Variants in PROM1 observed in about 807,000 individuals in gnomAD.
PROM1 encodes prominin-1.
Under a neutral mutation model 116.9 loss-of-function variants are expected in PROM1, and 105 were observed. That is an observed-to-expected ratio of 0.90 (90% CI 0.77 to 1.06). The LOEUF is 1.06. PROM1 is among the 50% of genes least tolerant of loss of function. The pLI is 0.00. For missense variants in PROM1, 1,122 were observed against 1,045.2 expected (o/e 1.07, Z -1.01); for synonymous variants, 393 against 387.0 (o/e 1.02, Z -0.18).
chr4:16,042,703 T>G (rs1173507588), intron 2 of PROM1, among the ~76,000 whole-genome samples: 1 of 152,208 alleles, frequency 6.6e-6, no homozygotes, highest in Non-Finnish European at 1.5e-5. Context: ...GCAAATAACC[T>G]TTAAAAACTA....
At chr4:16,031,135 A>T (rs1732607466) in intron 5 of PROM1, among the ~76,000 whole-genome samples, 1 of 152,220 alleles carries the variant, frequency 6.6e-6, no homozygotes, top group South Asian at 2.1e-4. Context: ...TTCAATAAAG[A>T]ATTTTCCTGA....
chr4:16,020,822 G>T (rs569072055), intron 8 of PROM1, among the ~76,000 whole-genome samples: 1 of 152,144 alleles, frequency 6.6e-6, no homozygotes, highest in Non-Finnish European at 1.5e-5. Context: ...TTTTCCAAAA[G>T]CTTCAAAGTA....
At chr4:16,004,550 T>A (rs930214341) in intron 13 of PROM1, among the ~76,000 whole-genome samples, 1 of 152,202 alleles carries the variant, frequency 6.6e-6, no homozygotes, top group Non-Finnish European at 1.5e-5. Context: ...TAGGTATATA[T>A]ACACACCCCA....
intron 23 of PROM1, among the ~76,000 whole-genome samples, chr4:15,981,107 G>A (rs542552833): frequency 1.7e-3 from 261 of 151,316 alleles, no homozygotes; most frequent in Non-Finnish European, 2.7e-3. Context: ...GGCTACAGGC[G>A]TCCGCCACCA....
chr4:15,984,417 A>T (rs1055675025), intron 22 of PROM1, 62 bp from the exon 23 acceptor site: 9 of 1,280,708 alleles, frequency 7.0e-6, no homozygotes, highest in African/African-American at 1.5e-5. Flanking sequence ...AAGGAATGAG[A>T]CGTGCCATTT....
chr4:16,051,552 T>C (rs1046804923), intron 2 of PROM1, among the ~76,000 whole-genome samples: 2 of 152,158 alleles, frequency 1.3e-5, no homozygotes, highest in African/African-American at 2.4e-5. Flanking sequence ...ATGAGTTGAT[T>C]TTACGCTACA....
At chr4:16,002,132 C>G (rs1043802724) in intron 13 of PROM1, among the ~76,000 whole-genome samples, 1 of 151,520 alleles carries the variant, frequency 6.6e-6, no homozygotes, top group Non-Finnish European at 1.5e-5. Flanking sequence ...AAGCCATCTG[C>G]TGAGAGAGGG....
intron 1 of PROM1, among the ~76,000 whole-genome samples, chr4:16,078,821 T>C (rs1578347931): frequency 6.6e-6 from 1 of 152,302 alleles, no homozygotes; most frequent in African/African-American, 2.4e-5. Flanking sequence ...TTAATTCATA[T>C]CTAATCCCTC....
intron 2 of PROM1, among the ~76,000 whole-genome samples, chr4:16,061,402 C>A (rs1400358504): frequency 1.3e-5 from 2 of 152,104 alleles, no homozygotes; most frequent in Non-Finnish European, 2.9e-5. Flanking sequence ...TTCACTTTTT[C>A]CTTTTCAGCA....
chr4:15,992,722 C>A (rs1412897790), intron 16 of PROM1, among the ~76,000 whole-genome samples: 4 of 152,186 alleles, frequency 2.6e-5, no homozygotes, highest in African/African-American at 9.7e-5. Context: ...GTTCATTTCC[C>A]ATCTCTTTCT....
intron 22 of PROM1, chr4:15,985,410 G>A (rs1432489185): frequency 4.3e-6 from 1 of 230,148 alleles, no homozygotes; most frequent in African/African-American, 2.3e-5. Context: ...CATTTGTTTT[G>A]GAACAGTGAG....
intron 4 of PROM1, 76 bp from the exon 5 acceptor site, chr4:16,033,585 T>TAA: frequency 1.1e-6 from 1 of 906,668 alleles, no homozygotes; most frequent in Non-Finnish European, 1.5e-6. Context: ...TGTACAAAGT[T>TAA]CTTTTTTTTT....
At chr4:16,082,235 A>G (rs1276789669) in intron 1 of PROM1, 1 of 152,192 alleles carries the variant, frequency 6.6e-6, no homozygotes, top group Non-Finnish European at 1.5e-5. Context: ...AATGAGTAAC[A>G]TCACACAAGT....
chr4:16,028,071 C>T (rs1362451563), intron 5 of PROM1, among the ~76,000 whole-genome samples: 2 of 150,736 alleles, frequency 1.3e-5, no homozygotes, highest in African/African-American at 5.0e-5. Flanking sequence ...ATCCTAGCTA[C>T]TTGGGACACC....
chr4:16,055,899 A>G (rs1738896055), intron 2 of PROM1, among the ~76,000 whole-genome samples: 1 of 152,138 alleles, frequency 6.6e-6, no homozygotes, highest in African/African-American at 2.4e-5. Flanking sequence ...AACACAAACA[A>G]AAACATTTCC....
chr4:16,015,893 C>A (rs1728254807), intron 10 of PROM1, among the ~76,000 whole-genome samples: 1 of 151,998 alleles, frequency 6.6e-6, no homozygotes, highest in Admixed American at 6.5e-5. Flanking sequence ...CAACATCACA[C>A]CCACTAAATT....
intron 1 of PROM1, chr4:16,083,393 G>A (rs1453399004): frequency 6.7e-6 from 1 of 150,360 alleles, no homozygotes; most frequent in Non-Finnish European, 1.5e-5. Context: ...GGGGCGTCGC[G>A]GGCCACCACT....
chr4:15,985,593 ACCTG>A, intron 22 of PROM1, 163 bp downstream of exon 22: 1 of 644,648 alleles, frequency 1.6e-6, no homozygotes, highest in Non-Finnish European at 2.7e-6. Context: ...CTGTCCTCTG[ACCTG>A]GTGGGAAGCC....
chr4:15,970,821 T>A (rs974903659), intron 27 of PROM1, among the ~76,000 whole-genome samples: 39 of 152,136 alleles, frequency 2.6e-4, no homozygotes, highest in African/African-American at 8.9e-4. Context: ...TAAAAAAAAA[T>A]TTTTTTAGAG....
Sources: gnomAD v4.1 joint callset for allele counts (sites outside exome capture counted in the v4.1 genomes callset) on GRCh38, gnomAD v4.1.1 for gene constraint, MANE v1.5 for transcripts, NCBI Gene and HGNC (gene_info 2026-07-23, HGNC 2026-07-21) for gene names.